Variants in MTHFD1L observed in about 807,000 individuals in gnomAD.
MTHFD1L encodes monofunctional C1-tetrahydrofolate synthase, mitochondrial.
MTHFD1L carries 81 observed loss-of-function variants against 119.5 expected under a neutral mutation model. The ratio of observed to expected loss-of-function variants is 0.68; its 90% CI spans 0.57 to 0.82. The LOEUF is 0.82. MTHFD1L is among the 40% of genes least tolerant of loss of function. MTHFD1L has a pLI of 0.00. For synonymous variants in MTHFD1L, 430 were observed against 475.2 expected, an observed-to-expected ratio of 0.90 and a Z score of 1.24; for missense variants, 1,125 against 1,253.4, an observed-to-expected ratio of 0.90 and a Z score of 1.55.
At chr6:150,873,352 A>C (rs1779860491) in intron 1 of MTHFD1L, among the ~76,000 whole-genome samples, 1 of 152,180 alleles carries the variant, frequency 6.6e-6, no homozygotes, top group South Asian at 2.1e-4. Context: ...TCAACTATGA[A>C]TGGATCAAGA....
chr6:150,981,106 A>G (rs1169148765), intron 20 of MTHFD1L, among the ~76,000 whole-genome samples: 2 of 152,106 alleles, frequency 1.3e-5, no homozygotes, highest in Non-Finnish European at 2.9e-5. Context: ...AAATAACATC[A>G]TTTCATTTTT....
At position 151,089,261 on chromosome 6, in the gene MTHFD1L, T is replaced by G. The variant is rs186726528; in HGVS notation, c.2848-3206T>G. ...TTTTTCTTAAACTATAAAATGCTTG[T>G]TCTTTTCCAAATCCATAGCTAGGCA... On this transcript the variant is annotated intron_variant, in intron 26 of 27. Transcript: ENST00000367321. 1.1e-4 allele frequency among the ~76,000 whole-genome samples: 16 copies of G among 152,346 alleles called. No individual in the cohort carries two copies. In the East Asian group the frequency reaches 2.9e-3, roughly 28 times the overall value.
intron 20 of MTHFD1L, among the ~76,000 whole-genome samples, chr6:151,003,540 A>G (rs1314400122): frequency 6.6e-6 from 1 of 151,964 alleles, no homozygotes; most frequent in Non-Finnish European, 1.5e-5. Flanking sequence ...ATCCAAAAAA[A>G]AAGGGGGGAA....
At chr6:151,001,909 A>G (rs1780676977) in intron 20 of MTHFD1L, among the ~76,000 whole-genome samples, 1 of 152,198 alleles carries the variant, frequency 6.6e-6, no homozygotes, top group Admixed American at 6.5e-5. Flanking sequence ...AAAAGAGACA[A>G]CAAGCACTCT....
At chr6:150,983,199 C>T (rs1777795281) in intron 20 of MTHFD1L, among the ~76,000 whole-genome samples, 5 of 152,190 alleles carry the variant, frequency 3.3e-5, no homozygotes, top group Admixed American at 3.3e-4. Context: ...TTATGAGTTA[C>T]AAATATCTTC....
intron 20 of MTHFD1L, among the ~76,000 whole-genome samples, chr6:151,007,866 G>A (rs973724921): frequency 2.6e-5 from 4 of 152,194 alleles, no homozygotes; most frequent in African/African-American, 9.7e-5. Context: ...ACTATATAAA[G>A]AGGAATGTCT....
At chr6:151,082,538 C>G (rs1403869492) in intron 26 of MTHFD1L, among the ~76,000 whole-genome samples, 4 of 152,030 alleles carry the variant, frequency 2.6e-5, no homozygotes, top group African/African-American at 9.6e-5. Flanking sequence ...CTAATGAAAC[C>G]TTTTTTCCCA....
intron 19 of MTHFD1L, 85 bp downstream of exon 19, chr6:150,965,122 C>A: frequency 8.4e-7 from 1 of 1,190,988 alleles, no homozygotes; most frequent in Non-Finnish European, 1.2e-6. Flanking sequence ...ATGAGGCAGG[C>A]ATAGAGCATG....
chr6:151,029,597 G>C, intron 24 of MTHFD1L, among the ~76,000 whole-genome samples: 1 of 152,048 alleles, frequency 6.6e-6, no homozygotes, highest in East Asian at 1.9e-4. Context: ...AGGAGTTTGA[G>C]ACCAGCCTGA....
intron 11 of MTHFD1L, among the ~76,000 whole-genome samples, chr6:150,932,161 C>CAA (rs5880902): frequency 0.11 from 4,093 of 38,932 alleles, 722 homozygotes; most frequent in East Asian, 0.36. Context: ...GACTCCATCT[C>CAA]AAAAAAAAAA....
At chr6:150,996,607 C>G (rs538018119) in intron 20 of MTHFD1L, among the ~76,000 whole-genome samples, 2 of 152,328 alleles carry the variant, frequency 1.3e-5, no homozygotes, top group Non-Finnish European at 2.9e-5. Flanking sequence ...GGACTCTTCT[C>G]AAACTCTGCA....
intron 24 of MTHFD1L, 47 bp from the exon 25 acceptor site, chr6:151,034,446 A>C: frequency 7.6e-7 from 1 of 1,312,418 alleles, no homozygotes; most frequent in Non-Finnish European, 1.1e-6. Flanking sequence ...AAAAATCTTT[A>C]ACCAGATTAA....
chr6:151,091,377 G>A (rs1372928966), intron 26 of MTHFD1L, among the ~76,000 whole-genome samples: 1 of 152,114 alleles, frequency 6.6e-6, no homozygotes, highest in East Asian at 1.9e-4. Context: ...GGTCATCCGG[G>A]AGCCCCAGGA....
At chr6:150,900,463 A>G (rs1363464764) in intron 7 of MTHFD1L, among the ~76,000 whole-genome samples, 1 of 152,094 alleles carries the variant, frequency 6.6e-6, no homozygotes, top group Non-Finnish European at 1.5e-5. Context: ...CCCCTGGGGA[A>G]TCCACACTTC....
intron 20 of MTHFD1L, among the ~76,000 whole-genome samples, chr6:150,990,004 C>T (rs1022939829): frequency 2.6e-5 from 4 of 152,112 alleles, no homozygotes; most frequent in African/African-American, 4.8e-5. Context: ...CAAGGCCGGG[C>T]GCAGTGGCTC....
chr6:151,093,552 G>T (rs1429608813), intron 27 of MTHFD1L, among the ~76,000 whole-genome samples: 2 of 152,174 alleles, frequency 1.3e-5, no homozygotes, highest in African/African-American at 4.8e-5. Flanking sequence ...AGCTACTCGG[G>T]AGGCTGAGGC....
chr6:150,965,375 C>G (rs1454959774), intron 19 of MTHFD1L, among the ~76,000 whole-genome samples: 1 of 152,104 alleles, frequency 6.6e-6, no homozygotes, highest in Non-Finnish European at 1.5e-5. Flanking sequence ...AAGTCAATGT[C>G]TGAGGCCAGG....
At chr6:151,035,062 GTTC>G (rs76234332) in intron 25 of MTHFD1L, among the ~76,000 whole-genome samples, 87,303 of 151,786 alleles carry the variant, frequency 0.58, 25,789 homozygotes, top group East Asian at 0.91. Context: ...AATGTTTGCT[GTTC>G]TTCTTATGCA....
chr6:151,086,758 G>A (rs1357468466), intron 26 of MTHFD1L, among the ~76,000 whole-genome samples: 1 of 151,988 alleles, frequency 6.6e-6, no homozygotes. Flanking sequence ...TTGAACTCCT[G>A]GGCTCAATCC....
Sources: allele counts gnomAD v4.1 joint callset (sites outside exome capture counted in the v4.1 genomes callset), GRCh38; gene constraint gnomAD v4.1.1; transcripts MANE v1.5; gene names NCBI Gene and HGNC (gene_info 2026-07-23, HGNC 2026-07-21).